CMIP: variants seen among roughly 807,000 people sequenced by gnomAD.
CMIP encodes C-Maf-inducing protein.
CMIP carries 13 observed loss-of-function variants against 97.3 expected under a neutral mutation model. The ratio of observed to expected loss-of-function variants is 0.13; its 90% CI spans 0.09 to 0.21. CMIP has a LOEUF of 0.21. Among genes scored for constraint, CMIP ranks in the 10% least tolerant of loss-of-function variants. CMIP has a pLI of 1.00. For synonymous variants in CMIP, 538 were observed against 436.3 expected (o/e 1.23, Z -2.91); for missense variants, 847 against 1,024.9 (o/e 0.83, Z 2.37).
chr16:81,493,632 CGTTCCCACTCTCCGCATG>C lies in CMIP; in HGVS notation c.300+48093_300+48110del, dbSNP rs562549900. Among the ~76,000 whole-genome samples the C allele has an allele frequency of 1.1e-4, 16 of 152,336 alleles. No individual in the cohort carries two copies. In the East Asian group the frequency reaches 3.1e-3, roughly 29 times the overall value. ...GGCAGTGTGGCGAGTTAGGTCTGCT[CGTTCCCACTCTCCGCATG>C]GGAAAACTGAGCTTCACAGTTAATA... On this transcript the variant is annotated intron_variant, in intron 1 of 20. Transcript: ENST00000537098.
chr16:81,654,350 G>A (rs1312216984), intron 4 of CMIP, among the ~76,000 whole-genome samples: 2 of 152,152 alleles, frequency 1.3e-5, no homozygotes, highest in East Asian at 1.9e-4. Flanking sequence ...GGGATTATAG[G>A]CATGAGCCAC....
rs1003200981 is a variant in CMIP at position 81,451,753 on chromosome 16, A to G, written c.300+6212A>G. Among the ~76,000 whole-genome samples, 7 of 152,286 alleles carry G rather than the reference A, an allele frequency of 4.6e-5. No individual in the cohort carries two copies. In the East Asian group the frequency reaches 1.2e-3, roughly 25 times the overall value. On this transcript the variant is annotated intron_variant, in intron 1 of 20. Transcript: ENST00000537098. Reference sequence around the variant, plus strand: ...GACAAGGATGCGCTGACTTCCACCCACAGAACAAGGGTCTGTGCAGCTCCA... The same window carrying G: ...GACAAGGATGCGCTGACTTCCACCCGCAGAACAAGGGTCTGTGCAGCTCCA...
intron 1 of CMIP, among the ~76,000 whole-genome samples, chr16:81,603,758 A>T (rs1318991292): frequency 1.3e-5 from 2 of 152,136 alleles, no homozygotes; most frequent in Non-Finnish European, 2.9e-5. Flanking sequence ...GGTTTGTCTG[A>T]TATTTTTCTG....
intron 1 of CMIP, among the ~76,000 whole-genome samples, chr16:81,493,332 TG>T (rs1381049256): frequency 6.6e-6 from 1 of 151,610 alleles, no homozygotes; most frequent in Non-Finnish European, 1.5e-5. Flanking sequence ...GCCGGAGCTC[TG>T]GGGTCACTCA....
chr16:81,533,131 A>T (rs1415949615), intron 1 of CMIP, among the ~76,000 whole-genome samples: 4 of 152,092 alleles, frequency 2.6e-5, no homozygotes, highest in Admixed American at 6.5e-5. Flanking sequence ...TCCCTGACTT[A>T]CGTTTTTTTC....
chr16:81,709,456 C>T (rs1908516282), intron 20 of CMIP, among the ~76,000 whole-genome samples: 1 of 152,202 alleles, frequency 6.6e-6, no homozygotes, highest in Non-Finnish European at 1.5e-5. Context: ...AGTGGCAGGG[C>T]CTGGATTCAA....
chr16:81,525,920 C>T (rs986894287), intron 1 of CMIP, among the ~76,000 whole-genome samples: 17 of 152,242 alleles, frequency 1.1e-4, no homozygotes, highest in African/African-American at 3.9e-4. Context: ...TCAAGGTTCA[C>T]CCATATTGTA....
intron 3 of CMIP, chr16:81,645,391 C>G (rs1362631307): frequency 9.7e-6 from 14 of 1,446,476 alleles, no homozygotes; most frequent in Non-Finnish European, 1.2e-5. Flanking sequence ...GCTGCGGCAG[C>G]AGCAGAGCAG....
chr16:81,704,799 C>G (rs567058289), intron 18 of CMIP, among the ~76,000 whole-genome samples: 2 of 147,634 alleles, frequency 1.4e-5, no homozygotes, highest in Non-Finnish European at 3.0e-5. Flanking sequence ...CCCTCAAGCT[C>G]AGCACCCACT....
At chr16:81,469,191 G>A (rs566462250) in intron 1 of CMIP, among the ~76,000 whole-genome samples, 50 of 152,280 alleles carry the variant, frequency 3.3e-4, no homozygotes, top group Non-Finnish European at 6.5e-4. Context: ...CAGCCCTTGG[G>A]GTCATTCTGG....
intron 19 of CMIP, among the ~76,000 whole-genome samples, chr16:81,706,553 G>A (rs962048751): frequency 8.5e-5 from 13 of 152,232 alleles, no homozygotes; most frequent in Non-Finnish European, 7.3e-5. Flanking sequence ...CCTGCTCAGC[G>A]TCTCTGGGAG....
chr16:81,704,540 C>T (rs185922238), intron 18 of CMIP, among the ~76,000 whole-genome samples: 17 of 1,954 alleles, frequency 8.7e-3, no homozygotes, highest in Non-Finnish European at 0.014. Context: ...TCCCTGCCCA[C>T]TCACCCTCCT....
chr16:81,657,488 G>A (rs1377454206), intron 4 of CMIP, among the ~76,000 whole-genome samples: 1 of 152,132 alleles, frequency 6.6e-6, no homozygotes, highest in African/African-American at 2.4e-5. Context: ...GTTGACCGAA[G>A]CAGGAACTGA....
intron 9 of CMIP, 98 bp from the exon 10 acceptor site, chr16:81,678,177 C>A (rs117315194): frequency 1.0e-5 from 9 of 873,486 alleles, no homozygotes; most frequent in Non-Finnish European, 1.5e-5. Context: ...TACATTTTGG[C>A]CTCATCCTGG....
At chr16:81,505,813 A>G (rs1338081719) in intron 1 of CMIP, among the ~76,000 whole-genome samples, 1 of 152,166 alleles carries the variant, frequency 6.6e-6, no homozygotes, top group African/African-American at 2.4e-5. Context: ...CAACATGGCA[A>G]AACCCTGTCT....
chr16:81,704,149 C>T, intron 18 of CMIP, 64 bp downstream of exon 18: 2 of 1,467,110 alleles, frequency 1.4e-6, no homozygotes, highest in Non-Finnish European at 1.8e-6. Context: ...ACTCTCCTCC[C>T]TATTCCCCCG....
chr16:81,708,154 TG>T (rs1440828996), intron 20 of CMIP, among the ~76,000 whole-genome samples: 1 of 152,062 alleles, frequency 6.6e-6, no homozygotes, highest in East Asian at 1.9e-4. Context: ...GAGGGCCTGG[TG>T]GGGCCAGGAG....
chr16:81,549,649 T>C lies in CMIP; in HGVS notation c.301-57918T>C, dbSNP rs191677979. Among the ~76,000 whole-genome samples the C allele has an allele frequency of 1.7e-3, 264 of 152,284 alleles. 1 individual carries two copies. Among genetic ancestry groups the C allele is most frequent in the African/African-American group, 6.1e-3 (254 of 41,560 alleles). ...TTTATTTATTTGTCTTTGGAAATTG[T>C]ACCATTCATGATGAAATCGCCCCTA... On this transcript the variant is annotated intron_variant, in intron 1 of 20. Coordinates refer to ENST00000537098, the MANE Select transcript of CMIP (RefSeq NM_198390.3).
intron 3 of CMIP, among the ~76,000 whole-genome samples, chr16:81,641,880 G>C (rs1055273211): frequency 3.3e-5 from 5 of 152,176 alleles, no homozygotes; most frequent in African/African-American, 1.2e-4. Context: ...TCTCGGAGTG[G>C]CATGATGGTC....
Sources: gnomAD v4.1 joint callset for allele counts (sites outside exome capture counted in the v4.1 genomes callset) on GRCh38, gnomAD v4.1.1 for gene constraint, MANE v1.5 for transcripts, NCBI Gene and HGNC (gene_info 2026-07-23, HGNC 2026-07-21) for gene names.